PIBF1: variants seen among roughly 807,000 people sequenced by gnomAD.
PIBF1 encodes progesterone immunomodulatory binding factor 1.
Under a neutral mutation model 112.5 loss-of-function variants are expected in PIBF1, and 90 were observed. The ratio of observed to expected loss-of-function variants is 0.80; its 90% confidence interval spans 0.67 to 0.95. The LOEUF is 0.95. Among genes scored for constraint, PIBF1 ranks in the 40% least tolerant of loss-of-function variants. The probability of loss-of-function intolerance (pLI) is 0.00; values close to 1 mark genes in which losing one functional copy is unlikely to be tolerated. For synonymous variants in PIBF1, 301 were observed against 288.6 expected, an observed-to-expected ratio of 1.04 and a Z score of -0.44; for missense variants, 915 against 852.3, an observed-to-expected ratio of 1.07 and a Z score of -0.92.
intron 9 of PIBF1, among the ~76,000 whole-genome samples, chr13:72,837,718 A>G (rs754121532): frequency 1.3e-5 from 2 of 152,172 alleles, no homozygotes; most frequent in Non-Finnish European, 2.9e-5. Context: ...GTATATAAAC[A>G]TCTCTGCACA....
At chr13:72,818,678 C>CTTTTTTTTTTTTTTT (rs3077726) in intron 5 of PIBF1, among the ~76,000 whole-genome samples, 2 of 80,372 alleles carry the variant, frequency 2.5e-5, no homozygotes, top group African/African-American at 5.1e-5. Context: ...CAGTCTTAAA[C>CTTTTTTTTTTTTTTT]TTTTTTTTTT....
At chr13:72,862,664 T>C (rs2038745996) in intron 10 of PIBF1, among the ~76,000 whole-genome samples, 1 of 152,172 alleles carries the variant, frequency 6.6e-6, no homozygotes, top group Admixed American at 6.5e-5. Context: ...TTATTTGAAA[T>C]ATATGAAATT....
At chr13:73,005,294 CA>C (rs771810941) in intron 17 of PIBF1, among the ~76,000 whole-genome samples, 1,487 of 135,562 alleles carry the variant, frequency 0.011, 22 homozygotes, top group African/African-American at 0.029. Flanking sequence ...CTACCTTTAC[CA>C]AAAAAAAAAA....
intron 14 of PIBF1, among the ~76,000 whole-genome samples, chr13:72,953,652 AC>A (rs2042363348): frequency 6.6e-6 from 1 of 152,104 alleles, no homozygotes; most frequent in Non-Finnish European, 1.5e-5. Context: ...ACATGGACAG[AC>A]TCAAGACCTC....
At chr13:72,817,480 C>G (rs1484126260) in intron 5 of PIBF1, among the ~76,000 whole-genome samples, 5 of 152,092 alleles carry the variant, frequency 3.3e-5, no homozygotes, top group Non-Finnish European at 7.4e-5. Context: ...TATTTAATGT[C>G]CTCTTTTGTT....
At chr13:72,815,491 G>A (rs2083547) in intron 5 of PIBF1, among the ~76,000 whole-genome samples, 117,968 of 152,178 alleles carry the variant, frequency 0.78, 46,041 homozygotes, top group South Asian at 0.85. Flanking sequence ...TGGAAGCATC[G>A]TACCTTAAGT....
chr13:73,000,928 G>A (rs559843007), intron 17 of PIBF1, among the ~76,000 whole-genome samples: 1 of 152,102 alleles, frequency 6.6e-6, no homozygotes, highest in African/African-American at 2.4e-5. Flanking sequence ...TTGCTTATCT[G>A]GATTTTCTAT....
intron 11 of PIBF1, among the ~76,000 whole-genome samples, chr13:72,900,755 G>T (rs1412148128): frequency 6.6e-6 from 1 of 152,190 alleles, no homozygotes; most frequent in African/African-American, 2.4e-5. Context: ...AGGTGCAGTG[G>T]CTCATGCCTG....
chr13:72,809,160 A>G (rs1593939761), intron 5 of PIBF1, among the ~76,000 whole-genome samples: 1 of 111,484 alleles, frequency 9.0e-6, no homozygotes, highest in African/African-American at 4.2e-5. Flanking sequence ...TTTTTTAATT[A>G]AACCTGTTGG....
intron 9 of PIBF1, among the ~76,000 whole-genome samples, chr13:72,836,694 A>G (rs539408581): frequency 6.5e-4 from 99 of 152,152 alleles, no homozygotes; most frequent in African/African-American, 2.2e-3. Context: ...TTCTTGGGTA[A>G]AAATATTTGT....
At chr13:72,993,613 A>G (rs1195355864) in intron 16 of PIBF1, among the ~76,000 whole-genome samples, 1 of 151,146 alleles carries the variant, frequency 6.6e-6, no homozygotes, top group Non-Finnish European at 1.5e-5. Flanking sequence ...GGGCATGGTG[A>G]CGGGCGCCTG....
At chr13:72,869,702 T>C (rs1034669350) in intron 10 of PIBF1, among the ~76,000 whole-genome samples, 11 of 152,042 alleles carry the variant, frequency 7.2e-5, no homozygotes, top group Admixed American at 2.0e-4. Context: ...CGCCTCTCTT[T>C]ATTCTTATGT....
At chr13:72,929,515 A>T (rs2041637117) in intron 13 of PIBF1, among the ~76,000 whole-genome samples, 2 of 152,176 alleles carry the variant, frequency 1.3e-5, no homozygotes, top group African/African-American at 4.8e-5. Context: ...GGTAATGGAC[A>T]CAGAAATTCT....
At chr13:72,920,564 GTTTA>G (rs1358560560) in intron 13 of PIBF1, among the ~76,000 whole-genome samples, 3 of 152,154 alleles carry the variant, frequency 2.0e-5, no homozygotes, top group Non-Finnish European at 4.4e-5. Context: ...CTCTTTTTAT[GTTTA>G]TTTAAGATAA....
chr13:72,990,970 C>T (rs1024148337), intron 16 of PIBF1, among the ~76,000 whole-genome samples: 3 of 152,310 alleles, frequency 2.0e-5, no homozygotes, highest in East Asian at 3.9e-4. Context: ...TTACTAGTCA[C>T]GATGCGTTGT....
intron 4 of PIBF1, among the ~76,000 whole-genome samples, chr13:72,795,851 G>A (rs982261458): frequency 6.6e-6 from 1 of 152,146 alleles, no homozygotes; most frequent in Non-Finnish European, 1.5e-5. Flanking sequence ...AGTAGTTGTT[G>A]CCAGGGGTTG....
intron 5 of PIBF1, among the ~76,000 whole-genome samples, chr13:72,806,536 C>T (rs939937221): frequency 6.6e-6 from 1 of 151,966 alleles, no homozygotes; most frequent in Non-Finnish European, 1.5e-5. Flanking sequence ...CCCCCACCCC[C>T]TGATAGGCCC....
At chr13:72,852,442 G>GCACCCCTTGCTCACA (rs1323828061) in intron 9 of PIBF1, among the ~76,000 whole-genome samples, 3 of 152,148 alleles carry the variant, frequency 2.0e-5, no homozygotes, top group African/African-American at 7.2e-5. Context: ...ACTTGCTCAC[G>GCACCCCTTGCTCACA]CACCCCTTGC....
chr13:72,993,875 T>C (rs181369714), intron 16 of PIBF1, among the ~76,000 whole-genome samples: 14 of 151,972 alleles, frequency 9.2e-5, no homozygotes, highest in Admixed American at 2.6e-4. Context: ...CATTAATAAA[T>C]TGTATGCCAT....
Sources: gnomAD v4.1 joint callset for allele counts (sites outside exome capture counted in the v4.1 genomes callset) on GRCh38, gnomAD v4.1.1 for gene constraint, MANE v1.5 for transcripts, NCBI Gene and HGNC (gene_info 2026-07-23, HGNC 2026-07-21) for gene names.